Variants in NEB observed in about 807,000 individuals in gnomAD.
NEB encodes nebulin.
NEB carries 512 observed loss-of-function variants against 952.2 expected under a neutral mutation model. The ratio of observed to expected loss-of-function variants is 0.54; its 90% CI spans 0.50 to 0.58. The LOEUF is 0.58. NEB is among the 20% of genes least tolerant of loss of function. NEB has a pLI of 0.00. For synonymous variants in NEB, 2,900 were observed against 3,149.8 expected, an observed-to-expected ratio of 0.92 and a Z score of 2.66; for missense variants, 8,428 against 9,231.1, an observed-to-expected ratio of 0.91 and a Z score of 3.56.
chr2:151,527,392 C>T (rs866913789), intron 147 of NEB, 89 bp downstream of exon 147: 13 of 1,086,710 alleles, frequency 1.2e-5, no homozygotes, highest in Middle Eastern at 2.0e-4. Flanking sequence ...AGGGTTAACA[C>T]TCATGATAGT....
At chr2:151,672,206 A>T (rs1291882644) in intron 37 of NEB, among the ~76,000 whole-genome samples, 163 bp downstream of exon 37, 1 of 152,230 alleles carries the variant, frequency 6.6e-6, no homozygotes, top group African/African-American at 2.4e-5. Flanking sequence ...GAAAGCAGGC[A>T]AAAACAGCTT....
At position 151,627,047 on chromosome 2, in the gene NEB, A is replaced by C; in HGVS notation, c.10302T>G (p.Ser3434=). The C allele has an allele frequency of 1.2e-6, 2 of 1,613,978 alleles. No homozygotes were observed. The highest frequency in any genetic ancestry group is 1.7e-6 in the Non-Finnish European group (2 of 1,179,870). Reference sequence around the variant, plus strand: ...TGTTCTTGGCCAGCACCTGCTCTAGAGAGTCAGTCACACTGGTAAATTTCA... The same window carrying C: ...TGTTCTTGGCCAGCACCTGCTCTAGCGAGTCAGTCACACTGGTAAATTTCA... ...DKLKFTSVTD[S]LEQVLAKNNA... The change falls in exon 70 of 182, where the codon TCT becomes TCG. Residue 3434 remains serine, a synonymous_variant. Transcript: ENST00000397345.
At position 151,642,724 on chromosome 2, in the gene NEB, T is replaced by C. The variant is rs779970095; in HGVS notation, c.8265+41A>G. 1.9e-6 allele frequency: 3 copies of C among 1,606,682 alleles called. No individual in the cohort carries two copies. The South Asian group carries it at 3.3e-5, about 18-fold the overall frequency. On this transcript the variant is annotated intron_variant, in intron 59 of 181. Coordinates refer to ENST00000397345, the MANE Select transcript of NEB (RefSeq NM_001164508.2). ...AGTAAGTTGGATTTATAAAGTGCAT[T>C]GTAAGGAAAATGTATCACGCACTAT...
At chr2:151,693,936 A>G (rs1439210786) in intron 20 of NEB, among the ~76,000 whole-genome samples, 1 of 151,526 alleles carries the variant, frequency 6.6e-6, no homozygotes, top group Non-Finnish European at 1.5e-5. Context: ...ACTTCTTTTC[A>G]TTTTCCTATA....
intron 13 of NEB, among the ~76,000 whole-genome samples, chr2:151,701,844 GTT>G (rs1195993653): frequency 6.9e-6 from 1 of 145,222 alleles, no homozygotes; most frequent in Non-Finnish European, 1.5e-5. Context: ...TTTTTGAAGG[GTT>G]TTTTGTGTCT....
chr2:151,490,283 A>C, intron 180 of NEB, 89 bp downstream of exon 180: 1 of 1,475,666 alleles, frequency 6.8e-7, no homozygotes, highest in South Asian at 1.3e-5. Context: ...AAATTTTTAA[A>C]TTTGTTTTTG....
chr2:151,511,730 T>TTC (rs1173007461), intron 161 of NEB, among the ~76,000 whole-genome samples: 2 of 152,196 alleles, frequency 1.3e-5, no homozygotes, highest in African/African-American at 4.8e-5. Flanking sequence ...GATGGCCTAC[T>TTC]TTTCTTCATC....
At chr2:151,643,099 T>C in intron 58 of NEB, 51 bp downstream of exon 58, 1 of 1,535,168 alleles carries the variant, frequency 6.5e-7, no homozygotes, top group Non-Finnish European at 8.9e-7. Context: ...ACTTCAGTGT[T>C]TCCATAAACA....
chr2:151,661,467 T>C (rs2099148717), intron 46 of NEB, among the ~76,000 whole-genome samples: 1 of 152,196 alleles, frequency 6.6e-6, no homozygotes, highest in Non-Finnish European at 1.5e-5. Flanking sequence ...AAATCATCTT[T>C]TTCTCTGTTA....
At chr2:151,695,804 T>C in intron 17 of NEB, 122 bp from the exon 18 acceptor site, 4 of 723,136 alleles carry the variant, frequency 5.5e-6, no homozygotes, top group Non-Finnish European at 9.5e-6. Flanking sequence ...ATCTAGAGCT[T>C]GGGTAGGCCA....
intron 170 of NEB, 60 bp downstream of exon 170, chr2:151,498,200 G>A (rs1456364747): frequency 1.3e-6 from 2 of 1,548,498 alleles, no homozygotes; most frequent in East Asian, 2.4e-5. Context: ...ATAAATAAAT[G>A]TAAAGATCAG....
At chr2:151,531,402 C>T (rs187482922) in intron 144 of NEB, among the ~76,000 whole-genome samples, 9 of 146,940 alleles carry the variant, frequency 6.1e-5, no homozygotes, top group African/African-American at 2.0e-4. Flanking sequence ...CTGCAACCTC[C>T]ATCTCCTGGG....
chr2:151,658,140 G>T, intron 47 of NEB, 50 bp from the exon 48 acceptor site: 1 of 1,355,238 alleles, frequency 7.4e-7, no homozygotes, highest in South Asian at 1.3e-5. Flanking sequence ...TGAAAGCCTG[G>T]ATTTATTTTA....
Position 151,518,338 on chromosome 2 carries a change from C to T in NEB, c.22780G>A (p.Ala7594Thr). Residue 7594 changes from alanine to threonine, a missense_variant, in exon 156 of 182, where the codon GCC becomes ACC. Around this residue, in one of 11 missense-constraint regions of NEB, gnomAD observed 3,374 missense variants for 3,651.5 expected, o/e 0.92. Transcript: ENST00000397345. ...CTTACTATACTCTGTAATTCTGTGG[C>T]CTCTTTTAGGTGAAGCTGCTCCAGA... ...DNLEQLHLKE[A>T]TELQSIVKYK... is the part of the protein sequence containing the mutation. 6.2e-7 allele frequency: 1 copy of T among 1,607,788 alleles called. No homozygotes were observed. The highest frequency in any genetic ancestry group is 8.5e-7 in the Non-Finnish European group (1 of 1,174,394).
intron 156 of NEB, 104 bp downstream of exon 156, chr2:151,518,214 T>A (rs2079309851): frequency 1.2e-6 from 1 of 849,766 alleles, no homozygotes; most frequent in East Asian, 2.4e-5. Flanking sequence ...CCCTTATATC[T>A]TTGTGCATTT....
At chr2:151,502,446 A>G (rs2065432865) in intron 167 of NEB, among the ~76,000 whole-genome samples, 1 of 152,164 alleles carries the variant, frequency 6.6e-6, no homozygotes, top group African/African-American at 2.4e-5. Context: ...GCCACAATAA[A>G]TACAAATAAA....
rs35946547 is a variant in NEB at position 151,663,599 on chromosome 2, A to G, written c.5712T>C (p.Pro1904=). 85 of 1,613,424 alleles carry G rather than the reference A, an allele frequency of 5.3e-5. No individual in the cohort carries two copies. In the African/African-American group the frequency reaches 9.9e-4, roughly 19 times the overall value. ...TGGCCAATTCAAAGCTCATGGCATCAGGAAGCATGTTGTAGGTATGGATCA... is the reference window on the plus strand; with the variant it reads ...TGGCCAATTCAAAGCTCATGGCATCGGGAAGCATGTTGTAGGTATGGATCA... ...RNVIHTYNML[P]DAMSFELAKN... The change falls in exon 45 of 182, where the codon CCT becomes CCC. Residue 1904 remains proline (P), a synonymous_variant. Transcript: ENST00000397345.
rs564725049 is a variant in NEB at position 151,520,055 on chromosome 2, T to C, written c.22480-287A>G. 2.0e-5 allele frequency: 4 copies of C among 199,170 alleles called. No individual in the cohort carries two copies. The Admixed American group carries it at 2.4e-4, about 12-fold the overall frequency. 12.3% of individuals were successfully genotyped at this position (199,170 alleles called of 1,614,324 possible). A position where few individuals can be genotyped will look rare whatever the true frequency, so the allele number is the denominator to read the frequency against. On this transcript the variant is annotated intron_variant, in intron 153 of 181. Transcript: ENST00000397345. ...AATGCAAAACAAAAAAAAAAAAAAA[T>C]GGAAAAGGCTTCAGGCTAAATTCAG...
intron 4 of NEB, 36 bp downstream of exon 4, chr2:151,729,579 A>G: frequency 6.2e-7 from 1 of 1,608,602 alleles, no homozygotes; most frequent in Admixed American, 1.7e-5. Context: ...TGCTTTAATG[A>G]GAATGCAGTT....
Sources: allele counts gnomAD v4.1 joint callset (sites outside exome capture counted in the v4.1 genomes callset), GRCh38; gene constraint gnomAD v4.1.1; regional missense constraint gnomAD v4.1.1; transcripts MANE v1.5; gene names NCBI Gene and HGNC (gene_info 2026-07-23, HGNC 2026-07-21).